The following RRP9 variants were observed in gnomAD, a reference collection of about 807,000 sequenced individuals.
RRP9 encodes the protein ribosomal RNA processing 9, U3 small nucleolar RNA binding protein.
Under a neutral mutation model 65.5 loss-of-function variants are expected in RRP9, and 35 were observed. That is an observed-to-expected ratio of 0.53 (90% CI 0.41 to 0.71). The LOEUF is 0.71. RRP9 is among the 30% of genes least tolerant of loss of function. RRP9 has a pLI of 0.00. For synonymous variants in RRP9, 254 were observed against 245.0 expected (o/e 1.04, Z -0.34); for missense variants, 533 against 633.6 (o/e 0.84, Z 1.70).
chr3:51,940,722 A>G (rs1699512504), intron 2 of RRP9, among the ~76,000 whole-genome samples: 1 of 151,806 alleles, frequency 6.6e-6, no homozygotes. Context: ...TATGTTGCCC[A>G]GGCTGGTCTC....
rs761019508 is a variant in RRP9 at position 51,937,286 on chromosome 3, A to G, written c.423T>C (p.Val141=). 2.5e-6 allele frequency: 4 copies of G among 1,614,158 alleles called. No homozygotes were observed. The South Asian group carries it at 4.4e-5, about 18-fold the overall frequency. The part of the protein sequence containing the change: ...IQAPASADIR[V]LRGHQLSITC... ...TGATAGAGAGCTGGTGCCCCCGTAA[A>G]ACGCGAATGTCAGCTGAGGCTGGGG... The change falls in exon 6 of 15, where the codon GTT becomes GTC. Residue 141 remains valine (V), a synonymous_variant. Transcript: ENST00000232888. The surrounding 1 kb of genome is among the most constrained non-coding windows in gnomAD (Gnocchi z 5.0).
chr3:51,936,849 G>A (rs115655439), intron 6 of RRP9, among the ~76,000 whole-genome samples: 4,485 of 152,326 alleles, frequency 0.029, 127 homozygotes, highest in African/African-American at 0.065. Context: ...AGAAGGAACC[G>A]CTGGTCAGCC....
Position 51,941,476 on chromosome 3 carries a change from C to T in RRP9, c.103G>A (p.Asp35Asn), listed in dbSNP as rs1244034236. Residue 35 changes from aspartate to asparagine, a missense_variant, in exon 2 of 15, where the codon GAC (aspartate) becomes AAC (asparagine). Asp to Asn is a conservative substitution (Grantham distance 23, BLOSUM62 1). Transcript: ENST00000232888. ...CCGCCACCCTTGGATTTGCCCCTGT[C>T]CCCCGCAGAGTCGGCCTGGGAATTA... Reference protein sequence around the residue: ...KRRRKADSAGDRGKSKGGGKM... With the variant: ...KRRRKADSAGNRGKSKGGGKM... 2 of 1,613,980 alleles carry T rather than the reference C, an allele frequency of 1.2e-6. No homozygotes were observed. The highest frequency in any genetic ancestry group is 1.3e-5 in the African/African-American group (1 of 74,920).
rs1170172847 is a variant in RRP9, at chr3:51,941,837, C to G, written c.31G>C (p.Gly11Arg). The change falls in exon 1 of 15, where the codon GGA becomes CGA. Residue 11 changes from glycine (G) to arginine (R), a missense_variant. This residue lies in a region of RRP9 where 77 missense variants were observed against 60.5 expected (regional missense o/e 1.27). Coordinates refer to ENST00000232888, the MANE Select transcript of RRP9 (RefSeq NM_004704.5). MSATAAARKR[G>R]KPASGAGAGA... is the part of the protein sequence containing the mutation. ...GCCCCGGCCCCAGAGGCCGGCTTTC[C>G]CCGCTTACGAGCAGCCGCTGTTGCC... 2.1e-5 allele frequency: 33 copies of G among 1,583,218 alleles called. No homozygotes were observed. In the Admixed American group the frequency reaches 5.6e-4, roughly 27 times the overall value.
intron 6 of RRP9, 150 bp from the exon 7 acceptor site, chr3:51,936,705 A>G (rs1699463607): frequency 1.7e-5 from 14 of 807,014 alleles, no homozygotes; most frequent in Admixed American, 2.7e-5. Flanking sequence ...GCCTCCGGAC[A>G]AGCTGCCTCA....
At position 51,935,258 on chromosome 3, in the gene RRP9, C is replaced by T; in HGVS notation, c.973G>A (p.Gly325Ser). Residue 325 changes from glycine (G) to serine (S), a missense_variant and splice_region_variant, in exon 11 of 15, where the codon GGC becomes AGC. Gly to Ser is a moderately conservative substitution (Grantham distance 56). Transcript: ENST00000232888. The stretch of plus-strand genomic sequence containing the variant: ...ATTAGGTGGATGCAGTCGATGGAGC[C>T]CCTGGAGAAAGGGGCTGTGAGGAGC... ...ESQLVFYGHQ[G>S]SIDCIHLINE... 1 of 1,614,214 alleles carries T rather than the reference C, an allele frequency of 6.2e-7. No individual in the cohort carries two copies. Among genetic ancestry groups the T allele is most frequent in the Non-Finnish European group, 8.5e-7 (1 of 1,180,038 alleles).
Position 51,934,948 on chromosome 3 carries a change from C to T in RRP9, c.1035-172G>A, listed in dbSNP as rs1473258713. Among the ~76,000 whole-genome samples, 1 of 152,052 alleles carries T rather than the reference C, an allele frequency of 6.6e-6. No individual in the cohort carries two copies. The highest frequency in any genetic ancestry group is 1.5e-5 in the Non-Finnish European group (1 of 68,006). On this transcript the variant is annotated intron_variant, in intron 11 of 14. Coordinates refer to ENST00000232888, the MANE Select transcript of RRP9 (RefSeq NM_004704.5). This position sits in a 1 kb window ranked among gnomAD's most constrained non-coding sequence, Gnocchi z 4.1. ...TCAAGTACCCCACAAATACGTACAC[C>T]TACTAAGCACCCACAACAAATTTTT... is the stretch of plus-strand genomic sequence containing the variant.
chr3:51,939,998 T>C (rs1249914042), intron 2 of RRP9, among the ~76,000 whole-genome samples: 1 of 152,222 alleles, frequency 6.6e-6, no homozygotes, highest in Non-Finnish European at 1.5e-5. Flanking sequence ...GGCTCACGCC[T>C]ATAATCCCAG....
rs767022796 is a variant in RRP9, at chr3:51,934,578, C to T, written c.1181-27G>A. ...TGGGGAGACTGGAACAGTGAGCAAC[C>T]CCTGCACCGGCCCACCCGGCGACCC... On this transcript the variant is annotated intron_variant, in intron 12 of 14. Coordinates refer to ENST00000232888, the MANE Select transcript of RRP9 (RefSeq NM_004704.5). This position sits in a 1 kb window ranked among gnomAD's most constrained non-coding sequence, Gnocchi z 4.1. The T allele has an allele frequency of 1.9e-6, 3 of 1,613,610 alleles. No homozygotes were observed. Among genetic ancestry groups the T allele is most frequent in the Non-Finnish European group, 2.5e-6 (3 of 1,179,746 alleles).
rs1191847275 is a variant in RRP9 at position 51,935,486 on chromosome 3, C to T, written c.837-10G>A. The T allele has an allele frequency of 3.7e-6, 6 of 1,614,004 alleles. No homozygotes were observed. The highest frequency in any genetic ancestry group is 2.2e-5 in the East Asian group (1 of 44,896). ...GTCCTGGTGTCCGAAGCTAGAGGGCCGGGCAGAGCAGGATAGTGGGGATAG... is the reference window on the plus strand; with the variant it reads ...GTCCTGGTGTCCGAAGCTAGAGGGCTGGGCAGAGCAGGATAGTGGGGATAG... On this transcript the variant is annotated splice_polypyrimidine_tract_variant and intron_variant, in intron 9 of 14. Transcript: ENST00000232888.
Sources: allele counts gnomAD v4.1 joint callset (sites outside exome capture counted in the v4.1 genomes callset), GRCh38; gene constraint gnomAD v4.1.1; regional missense constraint gnomAD v4.1.1; non-coding constraint Gnocchi (gnomAD v3.1); transcripts MANE v1.5; gene names NCBI Gene and HGNC (gene_info 2026-07-23, HGNC 2026-07-21).